Variants in STAT5B observed in about 807,000 individuals in gnomAD.
STAT5B encodes signal transducer and activator of transcription 5B.
In STAT5B, 21 loss-of-function variants were observed where a neutral mutation model predicts 107.8. The ratio of observed to expected loss-of-function variants is 0.19; its 90% CI spans 0.14 to 0.28. STAT5B has a LOEUF of 0.28. Among genes scored for constraint, STAT5B ranks in the 10% least tolerant of loss-of-function variants. The pLI is 1.00. For synonymous variants in STAT5B, 325 were observed against 401.7 expected (o/e 0.81, Z 2.28); for missense variants, 565 against 1,008.2 (o/e 0.56, Z 5.95).
Position 42,210,255 on chromosome 17 carries a change from T to C in STAT5B, c.1822A>G (p.Ile608Val), listed in dbSNP as rs2080117657. Residue 608 changes from isoleucine to valine, a missense_variant, in exon 15 of 19, where the codon ATT becomes GTT. Ile to Val is a conservative substitution (Grantham distance 29). Transcript: ENST00000293328. ...AGGAAGGTCCCATCTGGCTTGTTAA[T>C]GAGTAGGTCATGGGCCTGTTGCTTG... The part of the protein sequence containing the change: ...VNKQQAHDLL[I>V]NKPDGTFLLR... 1 of 1,614,194 alleles carries C rather than the reference T, an allele frequency of 6.2e-7. No homozygotes were observed. The highest frequency in any genetic ancestry group is 2.2e-5 in the East Asian group (1 of 44,886).
At chr17:42,275,195 G>A (rs2080754652) in intron 1 of STAT5B, 1 of 152,182 alleles carries the variant, frequency 6.6e-6, no homozygotes. Flanking sequence ...TACAATAAAA[G>A]AATGGCATCA....
chr17:42,201,938 C>T, intron 18 of STAT5B, 74 bp from the exon 19 acceptor site: 2 of 1,465,838 alleles, frequency 1.4e-6, no homozygotes, highest in African/African-American at 1.4e-5. Context: ...CACAGGCCAC[C>T]AGGGGAGCAG....
In STAT5B at chr17:42,224,796, C is replaced by T; in HGVS notation, c.358G>A (p.Val120Ile). The change falls in exon 4 of 19, where the codon GTC (valine) becomes ATC (isoleucine). Residue 120 changes from valine (V) to isoleucine (I), a missense_variant. Physicochemically the swap from Val to Ile is conservative, Grantham distance 29 (BLOSUM62 3). Transcript: ENST00000293328. ...ACACTCACATTGTTGGCTTCTCGGA[C>T]CAACCTCTGTTCATTGTACAATATA... Reference protein sequence around the residue: ...RHILYNEQRLVREANNGSSPA... With the variant: ...RHILYNEQRLIREANNGSSPA... The T allele has an allele frequency of 6.2e-7, 1 of 1,613,862 alleles. No individual in the cohort carries two copies. Among genetic ancestry groups the T allele is most frequent in the South Asian group, 1.1e-5 (1 of 91,074 alleles).
chr17:42,273,936 T>C (rs2080741966), intron 1 of STAT5B, among the ~76,000 whole-genome samples: 4 of 151,934 alleles, frequency 2.6e-5, no homozygotes, highest in Non-Finnish European at 5.9e-5. Flanking sequence ...ATAAAAACAA[T>C]CAAGAGAGGA....
intron 1 of STAT5B, among the ~76,000 whole-genome samples, chr17:42,267,599 T>A (rs1171533840): frequency 6.6e-6 from 1 of 152,192 alleles, no homozygotes; most frequent in Non-Finnish European, 1.5e-5. Context: ...GAAAATATTG[T>A]TGCACAGCTG....
chr17:42,231,632 C>T lies in STAT5B; in HGVS notation c.128+368G>A, dbSNP rs567612081. Among the ~76,000 whole-genome samples the T allele has an allele frequency of 2.0e-5, 3 of 152,268 alleles. No individual in the cohort carries two copies. In the East Asian group the frequency reaches 5.8e-4, roughly 29 times the overall value. ...GTTGGGATTACAACACAATGTTGGGCTTTAATTTTTTTCATATAAATTCTA... is the reference window on the plus strand; with the variant it reads ...GTTGGGATTACAACACAATGTTGGGTTTTAATTTTTTTCATATAAATTCTA... On this transcript the variant is annotated intron_variant, in intron 2 of 18. Transcript: ENST00000293328.
chr17:42,205,511 T>C (rs569716628), intron 16 of STAT5B, among the ~76,000 whole-genome samples: 2 of 152,312 alleles, frequency 1.3e-5, no homozygotes, highest in East Asian at 1.9e-4. Context: ...TTTCCAGACA[T>C]GGCCATTCTC....
chr17:42,211,264 T>G lies in STAT5B; in HGVS notation c.1680+720A>C, dbSNP rs950997678. On this transcript the variant is annotated intron_variant, in intron 13 of 18. Transcript: ENST00000293328. ...GACTCACGCCTGTAATCCCAGCACT[T>G]TGGGAGGCCGAGGCGGGCAGATCAC... Among the ~76,000 whole-genome samples, 3 of 151,830 alleles carry G rather than the reference T, an allele frequency of 2.0e-5. No individual in the cohort carries two copies. The South Asian group carries it at 6.2e-4, about 32-fold the overall frequency.
At chr17:42,235,233 T>C (rs946592784) in intron 1 of STAT5B, 2 of 152,250 alleles carry the variant, frequency 1.3e-5, no homozygotes, top group African/African-American at 2.4e-5. Context: ...GATCATATAT[T>C]TGCTTACTGA....
chr17:42,270,399 T>C (rs2080713466), intron 1 of STAT5B: 1 of 152,126 alleles, frequency 6.6e-6, no homozygotes. Flanking sequence ...ACAAACCCAC[T>C]ACATTGGCAC....
At chr17:42,266,099 CAT>C (rs921845966) in intron 1 of STAT5B, among the ~76,000 whole-genome samples, 76 of 152,116 alleles carry the variant, frequency 5.0e-4, no homozygotes, top group Admixed American at 1.4e-3. Flanking sequence ...TATAAAAAGA[CAT>C]ATGTGTATCT....
At chr17:42,239,605 A>C (rs1422667781) in intron 1 of STAT5B, among the ~76,000 whole-genome samples, 1 of 152,206 alleles carries the variant, frequency 6.6e-6, no homozygotes, top group Non-Finnish European at 1.5e-5. Flanking sequence ...TGCTTTTATG[A>C]ATCTACTCTT....
chr17:42,262,588 G>T (rs2080608201), intron 1 of STAT5B, among the ~76,000 whole-genome samples: 1 of 151,504 alleles, frequency 6.6e-6, no homozygotes, highest in Non-Finnish European at 1.5e-5. Context: ...ATAAGAAAAA[G>T]AAATCCATAG....
chr17:42,203,129 T>C (rs1266336704), intron 16 of STAT5B, among the ~76,000 whole-genome samples: 1 of 152,022 alleles, frequency 6.6e-6, no homozygotes, highest in African/African-American at 2.4e-5. Flanking sequence ...TTAGTAGAGA[T>C]GGGGTTTCAC....
chr17:42,228,085 A>C (rs911771632), intron 2 of STAT5B, among the ~76,000 whole-genome samples: 1 of 146,762 alleles, frequency 6.8e-6, no homozygotes, highest in African/African-American at 2.8e-5. Flanking sequence ...AGGAGGCACA[A>C]GGCCAAGACT....
chr17:42,284,738 C>T, the STAT5B span, among the ~76,000 whole-genome samples: 1 of 152,246 alleles, frequency 6.6e-6, no homozygotes. Context: ...GGCCTCTTCA[C>T]TCCGCCGGTG....
In STAT5B at chr17:42,210,238, C is replaced by A. The variant is rs765507952; in HGVS notation, c.1839G>T (p.Gly613=). The stretch of plus-strand genomic sequence containing the variant: ...AGTCACTGAATCTCAGGAGGAAGGT[C>A]CCATCTGGCTTGTTAATGAGTAGGT... ...AHDLLINKPD[G]TFLLRFSDSE... Residue 613 remains glycine (G), a synonymous_variant, in exon 15 of 19, where the codon GGG becomes GGT. Coordinates refer to ENST00000293328, the MANE Select transcript of STAT5B (RefSeq NM_012448.4). The A allele has an allele frequency of 6.2e-7, 1 of 1,614,130 alleles. No individual in the cohort carries two copies.
chr17:42,227,509 A>T lies in STAT5B; in HGVS notation c.285+20T>A. 3 of 1,612,628 alleles carry T rather than the reference A, an allele frequency of 1.9e-6. No homozygotes were observed. Among genetic ancestry groups the T allele is most frequent in the Non-Finnish European group, 2.5e-6 (3 of 1,179,826 alleles). On this transcript the variant is annotated intron_variant, in intron 3 of 18. Transcript: ENST00000293328. Reference sequence around the variant, plus strand: ...CCCCAAGGGAAGGTAATTAAGTGTGACCCCAGAGCCCACACCCACCTGGAG... The same window carrying T: ...CCCCAAGGGAAGGTAATTAAGTGTGTCCCCAGAGCCCACACCCACCTGGAG...
chr17:42,224,645 G>T, intron 4 of STAT5B, 134 bp downstream of exon 4: 1 of 878,642 alleles, frequency 1.1e-6, no homozygotes. Context: ...TTTCTTTTGT[G>T]CCCCTTAGGA....
Sources: gnomAD v4.1 joint callset for allele counts (sites outside exome capture counted in the v4.1 genomes callset) on GRCh38, gnomAD v4.1.1 for gene constraint, MANE v1.5 for transcripts, NCBI Gene and HGNC (gene_info 2026-07-23, HGNC 2026-07-21) for gene names.